The following RIN3 variants were observed in gnomAD, a reference collection of about 807,000 sequenced individuals.
The protein encoded by RIN3 is Ras and Rab interactor 3, also known as RAB5 interacting protein 3.
RIN3 carries 54 observed loss-of-function variants against 76.3 expected under a neutral mutation model. The ratio of observed to expected loss-of-function variants is 0.71; its 90% CI spans 0.57 to 0.89. The LOEUF (loss-of-function observed/expected upper bound fraction) is 0.89, where lower values mean the gene tolerates loss of function less well. Ranked by LOEUF, RIN3 falls within the 40% of genes least tolerant of loss-of-function variation. The probability of loss-of-function intolerance (pLI) is 0.00; values close to 1 mark genes in which losing one functional copy is unlikely to be tolerated. For missense variants in RIN3, 1,256 were observed against 1,322.1 expected, an observed-to-expected ratio of 0.95 and a Z score of 0.78; for synonymous variants, 576 against 564.0, an observed-to-expected ratio of 1.02 and a Z score of -0.30.
rs528746371 is a variant in RIN3 at position 92,679,305 on chromosome 14, G to C, written c.2467+2699G>C. Among the ~76,000 whole-genome samples the C allele has an allele frequency of 2.6e-5, 4 of 152,266 alleles. No individual in the cohort carries two copies. In the East Asian group the frequency reaches 7.7e-4, roughly 29 times the overall value. ...CTGGCAGCCCTGTCTGACCACGGCAGTGTCACACCTTGCCCATGGCAGCTC... is the reference window on the plus strand; with the variant it reads ...CTGGCAGCCCTGTCTGACCACGGCACTGTCACACCTTGCCCATGGCAGCTC... On this transcript the variant is annotated intron_variant, in intron 8 of 9. Transcript: ENST00000216487.
intron 5 of RIN3, among the ~76,000 whole-genome samples, chr14:92,642,868 G>T (rs1304389959): frequency 6.6e-6 from 1 of 152,192 alleles, no homozygotes. Flanking sequence ...CTCTTTAGCT[G>T]CCATTGGCTC....
At chr14:92,594,947 C>T (rs538116467) in intron 3 of RIN3, among the ~76,000 whole-genome samples, 10 of 152,288 alleles carry the variant, frequency 6.6e-5, no homozygotes, top group African/African-American at 2.4e-4. Context: ...CTTTATAATC[C>T]AGGTGCTTGG....
intron 4 of RIN3, among the ~76,000 whole-genome samples, chr14:92,637,710 G>A (rs1886825277): frequency 6.6e-6 from 1 of 152,120 alleles, no homozygotes; most frequent in African/African-American, 2.4e-5. Flanking sequence ...GGTTAAGTGG[G>A]ATAACAGGGA....
chr14:92,592,829 C>T (rs1474270523), intron 3 of RIN3, among the ~76,000 whole-genome samples: 3 of 151,902 alleles, frequency 2.0e-5, no homozygotes, highest in African/African-American at 4.8e-5. Flanking sequence ...GGCTGCACCA[C>T]CATGCCCAGC....
chr14:92,587,333 G>T (rs1030276122), intron 3 of RIN3, among the ~76,000 whole-genome samples: 5 of 152,230 alleles, frequency 3.3e-5, no homozygotes, highest in Admixed American at 2.0e-4. Context: ...TAAGGGGCAG[G>T]CCCTGGGGCA....
intron 1 of RIN3, among the ~76,000 whole-genome samples, chr14:92,542,436 T>A (rs1434107043): frequency 6.6e-6 from 1 of 152,176 alleles, no homozygotes; most frequent in East Asian, 1.9e-4. Context: ...GGAAAGGTGC[T>A]GGAGAAATTA....
Position 92,659,488 on chromosome 14 carries a change from G to C in RIN3, c.2335+19G>C. On this transcript the variant is annotated intron_variant, in intron 7 of 9. Transcript: ENST00000216487. ...AACCCAGGTCAGTGGGCAGCCGGGA[G>C]GGGTCTGGGTGAGGAGCTCTCTTTG... 1 of 1,576,738 alleles carries C rather than the reference G, an allele frequency of 6.3e-7. No individual in the cohort carries two copies. The highest frequency in any genetic ancestry group is 8.6e-7 in the Non-Finnish European group (1 of 1,162,722).
chr14:92,581,868 G>A (rs1463888974), intron 3 of RIN3, among the ~76,000 whole-genome samples: 1 of 152,236 alleles, frequency 6.6e-6, no homozygotes, highest in African/African-American at 2.4e-5. Flanking sequence ...TAGCCAAGGA[G>A]CAGGGTGGGA....
At chr14:92,591,244 T>G (rs916411116) in intron 3 of RIN3, among the ~76,000 whole-genome samples, 3 of 151,942 alleles carry the variant, frequency 2.0e-5, no homozygotes, top group African/African-American at 7.3e-5. Flanking sequence ...GAGAAAGGAA[T>G]CTCTGAGCAT....
At chr14:92,597,421 G>C (rs915099939) in intron 3 of RIN3, among the ~76,000 whole-genome samples, 5 of 152,176 alleles carry the variant, frequency 3.3e-5, no homozygotes, top group Non-Finnish European at 5.9e-5. Flanking sequence ...TGAGAGGATC[G>C]GTCAAGTGTT....
At position 92,565,071 on chromosome 14, in the gene RIN3, G is replaced by A. The variant is rs779143843; in HGVS notation, c.249+9116G>A. ...GTGGACAAAGGTGGCCCCGGCACTG[G>A]CACTTGTCTCCCTGTGTTCCCTCAC... is the stretch of plus-strand genomic sequence containing the variant. On this transcript the variant is annotated intron_variant, in intron 2 of 9. Coordinates refer to ENST00000216487, the MANE Select transcript of RIN3 (RefSeq NM_024832.5). Among the ~76,000 whole-genome samples, 26 of 152,314 alleles carry A rather than the reference G, an allele frequency of 1.7e-4. No homozygotes were observed. The Middle Eastern group carries it at 0.01, about 60-fold the overall frequency.
rs1394564084 is a variant in RIN3 at position 92,663,186 on chromosome 14, T to C, written c.2335+3717T>C. Among the ~76,000 whole-genome samples, 6 of 152,372 alleles carry C rather than the reference T, an allele frequency of 3.9e-5. No individual in the cohort carries two copies. The South Asian group carries it at 6.2e-4, about 16-fold the overall frequency. On this transcript the variant is annotated intron_variant, in intron 7 of 9. Coordinates refer to ENST00000216487, the MANE Select transcript of RIN3 (RefSeq NM_024832.5). ...ATGATGCTTTCAAGTATATCTACAT[T>C]GTGGAATGACTAAAGCTAGCGTCAT...
intron 7 of RIN3, among the ~76,000 whole-genome samples, chr14:92,675,339 C>T (rs1258490132): frequency 1.3e-5 from 2 of 152,098 alleles, no homozygotes; most frequent in African/African-American, 2.4e-5. Context: ...GGTGTATTTC[C>T]TGATGGTCCC....
chr14:92,520,416 A>AG (rs558780316), intron 1 of RIN3, among the ~76,000 whole-genome samples: 2 of 152,222 alleles, frequency 1.3e-5, no homozygotes, highest in East Asian at 3.9e-4. Flanking sequence ...GGGCTGCCCT[A>AG]GGGGGGCTCT....
chr14:92,530,512 TTTTG>T (rs1004138805), intron 1 of RIN3, among the ~76,000 whole-genome samples: 5 of 152,212 alleles, frequency 3.3e-5, no homozygotes, highest in African/African-American at 1.2e-4. Flanking sequence ...TGTTGTTTTG[TTTTG>T]TTTATCAGTT....
Position 92,600,760 on chromosome 14 carries a change from G to A in RIN3, c.368-14647G>A, listed in dbSNP as rs540244496. On this transcript the variant is annotated intron_variant, in intron 3 of 9. Transcript: ENST00000216487. Reference sequence around the variant, plus strand: ...CTCTCGAGCAGGGTGTCTGAAACACGGCATTGTTGGCATTTGGAGCCGGGT... The same window carrying A: ...CTCTCGAGCAGGGTGTCTGAAACACAGCATTGTTGGCATTTGGAGCCGGGT... Among the ~76,000 whole-genome samples, 44 of 152,354 alleles carry A rather than the reference G, an allele frequency of 2.9e-4. 1 individual carries two copies. Among genetic ancestry groups the A allele is most frequent in the Admixed American group, 2.0e-3 (31 of 15,306 alleles).
intron 7 of RIN3, among the ~76,000 whole-genome samples, chr14:92,669,244 G>C (rs1888206635): frequency 6.6e-6 from 1 of 152,178 alleles, no homozygotes; most frequent in South Asian, 2.1e-4. Flanking sequence ...AGGGGAGATA[G>C]GCAATAACAA....
At chr14:92,556,951 T>TC (rs1897601533) in intron 2 of RIN3, among the ~76,000 whole-genome samples, 1 of 152,198 alleles carries the variant, frequency 6.6e-6, no homozygotes, top group Non-Finnish European at 1.5e-5. Context: ...AGACACAATG[T>TC]GGTACAACCA....
At chr14:92,589,920 C>G (rs1015072612) in intron 3 of RIN3, among the ~76,000 whole-genome samples, 8 of 152,360 alleles carry the variant, frequency 5.3e-5, no homozygotes, top group African/African-American at 1.9e-4. Flanking sequence ...GGTGGGGTCA[C>G]AGGTCAAGTC....
Sources: gnomAD v4.1 joint callset for allele counts (sites outside exome capture counted in the v4.1 genomes callset) on GRCh38, gnomAD v4.1.1 for gene constraint, MANE v1.5 for transcripts, NCBI Gene and HGNC (gene_info 2026-07-23, HGNC 2026-07-21) for gene names.